The following LHFPL2 variants were observed in gnomAD, a reference collection of about 807,000 sequenced individuals.
LHFPL2 encodes LHFPL tetraspan subfamily member 2, also known as LHFPL tetraspan subfamily member 2 protein.
Under a neutral mutation model 17.5 loss-of-function variants are expected in LHFPL2, and 7 were observed. That is an observed-to-expected ratio of 0.40 (90% confidence interval 0.23 to 0.75). LHFPL2 has a LOEUF of 0.75. LHFPL2 is among the 30% of genes least tolerant of loss of function. The pLI is 0.37. For missense variants in LHFPL2, 241 were observed against 294.8 expected (o/e 0.82, Z 1.34); for synonymous variants, 134 against 116.2 (o/e 1.15, Z -0.99).
intron 2 of LHFPL2, among the ~76,000 whole-genome samples, chr5:78,614,235 G>T (rs1251659631): frequency 1.3e-5 from 2 of 152,224 alleles, no homozygotes; most frequent in Non-Finnish European, 1.5e-5. Context: ...AGCCTGGCCT[G>T]ATCTGCCTGG....
intron 3 of LHFPL2, among the ~76,000 whole-genome samples, chr5:78,535,183 G>A (rs1755908667): frequency 6.6e-6 from 1 of 152,186 alleles, no homozygotes; most frequent in South Asian, 2.1e-4. Flanking sequence ...ACATCAAGGA[G>A]TGGTGTCGCC....
At chr5:78,513,916 G>A (rs1207178078) in intron 3 of LHFPL2, among the ~76,000 whole-genome samples, 1 of 152,220 alleles carries the variant, frequency 6.6e-6, no homozygotes, top group Non-Finnish European at 1.5e-5. Context: ...AACAGAGGCT[G>A]CAAGCAAAGT....
chr5:78,556,428 A>G (rs1756573722), intron 3 of LHFPL2, among the ~76,000 whole-genome samples: 1 of 152,224 alleles, frequency 6.6e-6, no homozygotes, highest in South Asian at 2.1e-4. Flanking sequence ...ATGAGATGCC[A>G]TTCTCACCTC....
At chr5:78,592,159 G>C (rs1743648265) in intron 2 of LHFPL2, among the ~76,000 whole-genome samples, 1 of 152,218 alleles carries the variant, frequency 6.6e-6, no homozygotes. Context: ...AGGGGTCAAA[G>C]AGAAGTCAAA....
chr5:78,588,037 G>C (rs1329802112), intron 2 of LHFPL2, among the ~76,000 whole-genome samples: 7 of 152,240 alleles, frequency 4.6e-5, no homozygotes, highest in Admixed American at 2.0e-4. Context: ...CAAGAAAATA[G>C]ATGCATTGGT....
chr5:78,614,904 G>T (rs1373904911), intron 2 of LHFPL2, among the ~76,000 whole-genome samples: 1 of 152,184 alleles, frequency 6.6e-6, no homozygotes. Context: ...ACTTCCCAAA[G>T]ATCACCTAGC....
At position 78,489,058 on chromosome 5, in the gene LHFPL2, G is replaced by C. The variant is rs1248891635; in HGVS notation, c.526C>G (p.Pro176Ala). The C allele has an allele frequency of 6.2e-7, 1 of 1,614,076 alleles. No homozygotes were observed. Among genetic ancestry groups the C allele is most frequent in the African/African-American group, 1.3e-5 (1 of 74,930 alleles). The change falls in exon 5 of 5, where the codon CCT becomes GCT. Residue 176 changes from proline (P) to alanine (A), a missense_variant. By Grantham distance (27) the Pro-to-Ala change is conservative. Coordinates refer to ENST00000380345, the MANE Select transcript of LHFPL2 (RefSeq NM_005779.3). ...YCGHYASAYK[P>A]GDCSLGWAFY... is the part of the protein sequence containing the mutation. ...GCCCAGCCCAAGGAGCAGTCTCCAG[G>C]TTTGTAGGCAGATGCATAATGTCCA... is the stretch of plus-strand genomic sequence containing the variant.
chr5:78,644,931 C>T (rs1278527432), intron 1 of LHFPL2: 1 of 154,384 alleles, frequency 6.5e-6, no homozygotes, highest in African/African-American at 2.4e-5. Context: ...CTCTATGGTG[C>T]TCAGTACACT....
At chr5:78,625,114 T>A (rs1414934998) in intron 2 of LHFPL2, 1 of 152,202 alleles carries the variant, frequency 6.6e-6, no homozygotes, top group Non-Finnish European at 1.5e-5. Flanking sequence ...AGTTGGACAG[T>A]GGCAGAGACC....
In LHFPL2 at chr5:78,488,736, T is replaced by C; in HGVS notation, c.*161A>G. ...CTGCAGACCGCATGTCCAGTAACTT[T>C]GCGTAGCTGGATGTGGCCTCTCATT... On this transcript the variant is annotated 3_prime_UTR_variant, in exon 5 of 5. Coordinates refer to ENST00000380345, the MANE Select transcript of LHFPL2 (RefSeq NM_005779.3). 1 of 714,510 alleles carries C rather than the reference T, an allele frequency of 1.4e-6. No individual in the cohort carries two copies. The highest frequency in any genetic ancestry group is 2.4e-6 in the Non-Finnish European group (1 of 421,490). The allele number at this position is 714,510 out of a possible 1,614,324, so 44.3% of individuals were successfully genotyped here. A position where few individuals can be genotyped will look rare whatever the true frequency, so the allele number is the denominator to read the frequency against.
At chr5:78,503,081 G>A (rs913387082) in intron 4 of LHFPL2, among the ~76,000 whole-genome samples, 5 of 152,152 alleles carry the variant, frequency 3.3e-5, no homozygotes, top group South Asian at 4.1e-4. Flanking sequence ...GTGGCTGACC[G>A]CGCTGTAGGA....
intron 1 of LHFPL2, among the ~76,000 whole-genome samples, chr5:78,634,995 G>A (rs1280047462): frequency 2.6e-5 from 4 of 152,200 alleles, no homozygotes; most frequent in African/African-American, 4.8e-5. Context: ...AAGAAGAGTC[G>A]GGAAATGGCT....
At chr5:78,552,320 A>G (rs1756467788) in intron 3 of LHFPL2, among the ~76,000 whole-genome samples, 1 of 152,048 alleles carries the variant, frequency 6.6e-6, no homozygotes, top group African/African-American at 2.4e-5. Context: ...TTTTTAGTAG[A>G]GACAGGGTTT....
intron 2 of LHFPL2, among the ~76,000 whole-genome samples, chr5:78,606,222 C>T (rs1313163047): frequency 6.6e-6 from 1 of 152,152 alleles, no homozygotes; most frequent in Non-Finnish European, 1.5e-5. Flanking sequence ...AGTCTAGGGC[C>T]TCTATATTTG....
chr5:78,592,823 G>A (rs1743690365), intron 2 of LHFPL2, among the ~76,000 whole-genome samples: 1 of 151,986 alleles, frequency 6.6e-6, no homozygotes, highest in Non-Finnish European at 1.5e-5. Flanking sequence ...ATTACTCCTG[G>A]CCATCCAGAT....
intron 2 of LHFPL2, chr5:78,625,859 G>A (rs1033397566): frequency 6.6e-6 from 1 of 152,192 alleles, no homozygotes; most frequent in African/African-American, 2.4e-5. Flanking sequence ...GAAATTAAGG[G>A]GCTTAGACAA....
chr5:78,528,085 CAT>C (rs2112353183), intron 3 of LHFPL2, among the ~76,000 whole-genome samples: 1 of 152,348 alleles, frequency 6.6e-6, no homozygotes, highest in East Asian at 1.9e-4. Context: ...CTCCCAGTAA[CAT>C]AAAACAATAC....
At chr5:78,573,356 T>C (rs941565594) in intron 2 of LHFPL2, among the ~76,000 whole-genome samples, 8 of 152,196 alleles carry the variant, frequency 5.3e-5, no homozygotes, top group Non-Finnish European at 8.8e-5. Context: ...AATTTTAAGA[T>C]AGGAAAAAAT....
chr5:78,638,650 A>G (rs572224216), intron 1 of LHFPL2, among the ~76,000 whole-genome samples: 1 of 152,324 alleles, frequency 6.6e-6, no homozygotes, highest in East Asian at 1.9e-4. Flanking sequence ...GCAAAGGCTG[A>G]CGCACCCTTG....
Sources: gnomAD v4.1 joint callset for allele counts (sites outside exome capture counted in the v4.1 genomes callset) on GRCh38, gnomAD v4.1.1 for gene constraint, MANE v1.5 for transcripts, NCBI Gene and HGNC (gene_info 2026-07-23, HGNC 2026-07-21) for gene names.